The following PCDH9 variants were observed in gnomAD, a reference collection of about 807,000 sequenced individuals.
PCDH9 encodes protocadherin 9.
In PCDH9, 24 loss-of-function variants were observed where a neutral mutation model predicts 70.6. The ratio of observed to expected loss-of-function variants is 0.34; its 90% CI spans 0.25 to 0.48. The LOEUF is 0.48. Ranked by LOEUF, PCDH9 falls within the 20% of genes least tolerant of loss-of-function variation. PCDH9 has a pLI of 0.99. For missense variants in PCDH9, 1,281 were observed against 1,503.6 expected (o/e 0.85, Z 2.45); for synonymous variants, 562 against 558.5 (o/e 1.01, Z -0.09).
chr13:66,744,115 G>A (rs896722707), intron 3 of PCDH9, among the ~76,000 whole-genome samples: 3 of 152,160 alleles, frequency 2.0e-5, no homozygotes, highest in Non-Finnish European at 4.4e-5. Context: ...GAATTAGAGA[G>A]CCCCACGCAT....
chr13:66,559,664 G>A (rs1212901731), intron 4 of PCDH9, among the ~76,000 whole-genome samples: 1 of 151,194 alleles, frequency 6.6e-6, no homozygotes, highest in African/African-American at 2.4e-5. Context: ...GCCGGGCGTG[G>A]TGGCGGGTGC....
intron 3 of PCDH9, among the ~76,000 whole-genome samples, chr13:66,698,331 C>A (rs2078591348): frequency 6.6e-6 from 1 of 152,120 alleles, no homozygotes; most frequent in Admixed American, 6.5e-5. Flanking sequence ...TGCTAAATGT[C>A]CCCTGTGGTG....
intron 4 of PCDH9, among the ~76,000 whole-genome samples, chr13:66,477,892 G>A (rs920738435): frequency 2.0e-5 from 3 of 152,104 alleles, no homozygotes; most frequent in East Asian, 1.9e-4. Context: ...TCAGATGATC[G>A]TGATACTCTA....
At chr13:66,940,830 T>G (rs2082996247) in intron 2 of PCDH9, among the ~76,000 whole-genome samples, 1 of 152,002 alleles carries the variant, frequency 6.6e-6, no homozygotes, top group Non-Finnish European at 1.5e-5. Flanking sequence ...ATTTTTCTTG[T>G]ACTTGTTTTT....
intron 3 of PCDH9, among the ~76,000 whole-genome samples, chr13:66,691,933 A>G (rs1374771693): frequency 6.6e-6 from 1 of 152,192 alleles, no homozygotes; most frequent in Non-Finnish European, 1.5e-5. Context: ...AGCCTGGGCA[A>G]TATCTGTTAC....
At position 67,226,926 on chromosome 13, in the gene PCDH9, A is replaced by C. The variant is rs760402907; in HGVS notation, c.1515T>G (p.Val505=). 6.2e-7 allele frequency: 1 copy of C among 1,614,192 alleles called. No homozygotes were observed. The highest frequency in any genetic ancestry group is 1.7e-5 in the Admixed American group (1 of 60,026). Residue 505 remains valine, a synonymous_variant, in exon 2 of 5, where the codon GTT becomes GTG. Transcript: ENST00000377865. The surrounding 1 kb of genome is among the most constrained non-coding windows in gnomAD (Gnocchi z 5.0). The part of the protein sequence containing the change: ...DEDSGKNADI[V]YQLGPNASFF... ...AGGAGGCATTCGGTCCAAGCTGATA[A>C]ACAATGTCTGCATTTTTCCCACTGT... is the stretch of plus-strand genomic sequence containing the variant.
At position 66,632,940 on chromosome 13, in the gene PCDH9, A is replaced by G. The variant is rs2077590484; in HGVS notation, c.3139-1529T>C. Among the ~76,000 whole-genome samples the G allele has an allele frequency of 2.6e-5, 4 of 152,128 alleles. No homozygotes were observed. In the South Asian group the frequency reaches 8.3e-4, roughly 31 times the overall value. ...ACCTAAAATTTGTGCTTTTCAAGAGACAATTTATAGATTGTATCCATTTCA... is the reference window on the plus strand; with the variant it reads ...ACCTAAAATTTGTGCTTTTCAAGAGGCAATTTATAGATTGTATCCATTTCA... On this transcript the variant is annotated intron_variant, in intron 3 of 4. Transcript: ENST00000377865.
At chr13:67,148,549 G>A (rs999602506) in intron 2 of PCDH9, among the ~76,000 whole-genome samples, 1 of 152,020 alleles carries the variant, frequency 6.6e-6, no homozygotes, top group Admixed American at 6.6e-5. Context: ...TAAATGAGAA[G>A]ATGAAGGCAA....
intron 2 of PCDH9, among the ~76,000 whole-genome samples, chr13:67,199,404 A>T (rs2089155041): frequency 6.6e-6 from 1 of 151,742 alleles, no homozygotes; most frequent in Admixed American, 6.6e-5. Flanking sequence ...CTTGCTTCTA[A>T]AATGACCAAT....
intron 4 of PCDH9, among the ~76,000 whole-genome samples, chr13:66,515,810 T>C (rs780587678): frequency 2.0e-5 from 3 of 152,120 alleles, no homozygotes; most frequent in African/African-American, 4.8e-5. Context: ...CTTACTATTT[T>C]CTCCAATTCT....
chr13:66,337,406 A>C (rs1412270473), intron 4 of PCDH9, among the ~76,000 whole-genome samples: 1 of 152,096 alleles, frequency 6.6e-6, no homozygotes, highest in Admixed American at 6.6e-5. Flanking sequence ...AAAAGACCTA[A>C]GAGTTCTGCA....
At chr13:66,335,904 G>A (rs1364014661) in intron 4 of PCDH9, among the ~76,000 whole-genome samples, 1 of 152,100 alleles carries the variant, frequency 6.6e-6, no homozygotes, top group Non-Finnish European at 1.5e-5. Context: ...TCAATGTCAA[G>A]TAAGCTTTGC....
intron 4 of PCDH9, among the ~76,000 whole-genome samples, chr13:66,366,402 G>A (rs1019621268): frequency 5.3e-5 from 8 of 151,960 alleles, no homozygotes; most frequent in Admixed American, 1.3e-4. Flanking sequence ...TCAAGAATCT[G>A]TTATTTTTCT....
intron 4 of PCDH9, among the ~76,000 whole-genome samples, chr13:66,423,629 C>G (rs372189925): frequency 2.2e-4 from 33 of 152,176 alleles, no homozygotes; most frequent in Non-Finnish European, 3.4e-4. Flanking sequence ...ATTCAACAGC[C>G]CTTCATGCTA....
At chr13:66,755,319 ACT>A (rs2079523435) in intron 3 of PCDH9, among the ~76,000 whole-genome samples, 1 of 152,152 alleles carries the variant, frequency 6.6e-6, no homozygotes, top group African/African-American at 2.4e-5. Flanking sequence ...TATTGTAAAC[ACT>A]CTTGAGAGTT....
chr13:67,107,820 T>C (rs2086577852), intron 2 of PCDH9, among the ~76,000 whole-genome samples: 1 of 152,190 alleles, frequency 6.6e-6, no homozygotes, highest in South Asian at 2.1e-4. Context: ...AGAGAAGAGC[T>C]ACAGCCCTTC....
intron 4 of PCDH9, among the ~76,000 whole-genome samples, chr13:66,499,064 T>C (rs1959161243): frequency 6.6e-6 from 1 of 152,000 alleles, no homozygotes; most frequent in Admixed American, 6.6e-5. Context: ...CAGACCTGAA[T>C]GCCTAAAAGC....
At chr13:67,121,968 G>A (rs1162438942) in intron 2 of PCDH9, among the ~76,000 whole-genome samples, 1 of 152,006 alleles carries the variant, frequency 6.6e-6, no homozygotes, top group Non-Finnish European at 1.5e-5. Context: ...ATTTTAAAGT[G>A]GCCAAGTTAA....
chr13:66,699,011 T>C (rs943944617), intron 3 of PCDH9, among the ~76,000 whole-genome samples: 3 of 149,732 alleles, frequency 2.0e-5, no homozygotes, highest in Non-Finnish European at 4.4e-5. Context: ...ACCTCTCAGA[T>C]TCAAGCGATT....
Sources: allele counts gnomAD v4.1 joint callset (sites outside exome capture counted in the v4.1 genomes callset), GRCh38; gene constraint gnomAD v4.1.1; non-coding constraint Gnocchi (gnomAD v3.1); transcripts MANE v1.5; gene names NCBI Gene and HGNC (gene_info 2026-07-23, HGNC 2026-07-21).